The following PDE3A variants were observed in gnomAD, a reference collection of about 807,000 sequenced individuals.
PDE3A encodes the protein cGMP-inhibited 3',5'-cyclic phosphodiesterase 3A.
A neutral mutation model predicts 98.3 loss-of-function variants in PDE3A; 43 were observed. That is an observed-to-expected ratio of 0.44 (90% CI 0.34 to 0.56). PDE3A has a LOEUF of 0.56. Ranked by LOEUF, PDE3A falls within the 20% of genes least tolerant of loss-of-function variation. The pLI is 0.01. For synonymous variants in PDE3A, 663 were observed against 567.9 expected (o/e 1.17, Z -2.38); for missense variants, 1,427 against 1,440.7 (o/e 0.99, Z 0.15).
intron 1 of PDE3A, among the ~76,000 whole-genome samples, chr12:20,502,072 C>A (rs1241156093): frequency 6.6e-6 from 1 of 152,074 alleles, no homozygotes; most frequent in African/African-American, 2.4e-5. Flanking sequence ...AGATAATAAT[C>A]ACATATATTT....
chr12:20,618,369 A>C (rs1160853947), intron 4 of PDE3A, among the ~76,000 whole-genome samples: 1 of 152,062 alleles, frequency 6.6e-6, no homozygotes, highest in African/African-American at 2.4e-5. Context: ...ATTCCTTTCC[A>C]TATCTTTTCA....
At chr12:20,569,001 G>T (rs537138287) in intron 2 of PDE3A, among the ~76,000 whole-genome samples, 22 of 152,020 alleles carry the variant, frequency 1.4e-4, no homozygotes, top group African/African-American at 5.3e-4. Context: ...GAAAAAGCTG[G>T]CATATGGCCA....
intron 1 of PDE3A, among the ~76,000 whole-genome samples, chr12:20,488,142 G>T (rs1163483901): frequency 6.6e-6 from 1 of 151,846 alleles, no homozygotes; most frequent in African/African-American, 2.4e-5. Context: ...GGGGCAAGAG[G>T]GGCACTATAT....
intron 1 of PDE3A, among the ~76,000 whole-genome samples, chr12:20,427,694 C>T (rs997146115): frequency 1.3e-5 from 2 of 151,906 alleles, no homozygotes; most frequent in African/African-American, 4.8e-5. Context: ...ACATTTAATA[C>T]ATTAATACAT....
chr12:20,668,160 C>A (rs1272310208), intron 15 of PDE3A, among the ~76,000 whole-genome samples: 1 of 152,166 alleles, frequency 6.6e-6, no homozygotes, highest in African/African-American at 2.4e-5. Context: ...AAACGGCGCA[C>A]CATGAGATTA....
At chr12:20,569,068 A>C (rs1942730613) in intron 2 of PDE3A, among the ~76,000 whole-genome samples, 1 of 152,138 alleles carries the variant, frequency 6.6e-6, no homozygotes, top group South Asian at 2.1e-4. Context: ...GAGTGTTGTC[A>C]TAAGCATGCC....
At chr12:20,672,232 T>C (rs1359866996) in intron 15 of PDE3A, among the ~76,000 whole-genome samples, 50 of 148,316 alleles carry the variant, frequency 3.4e-4, no homozygotes, top group African/African-American at 1.2e-3. Context: ...TCCATGCTCA[T>C]GGGTAGGAAG....
At chr12:20,483,321 G>T (rs1031028368) in intron 1 of PDE3A, among the ~76,000 whole-genome samples, 1 of 152,060 alleles carries the variant, frequency 6.6e-6, no homozygotes, top group African/African-American at 2.4e-5. Context: ...CCCCGGAGGC[G>T]GAGGTTGCAG....
intron 1 of PDE3A, among the ~76,000 whole-genome samples, chr12:20,448,124 C>G (rs538006744): frequency 7.2e-5 from 11 of 152,262 alleles, no homozygotes; most frequent in Non-Finnish European, 1.6e-4. Context: ...TATATTAAAA[C>G]TCCATTAGTA....
intron 7 of PDE3A, among the ~76,000 whole-genome samples, chr12:20,634,699 A>G (rs1267397523): frequency 1.3e-5 from 2 of 152,218 alleles, no homozygotes; most frequent in Non-Finnish European, 2.9e-5. Flanking sequence ...CATGCGGATT[A>G]CAGATTATAA....
intron 1 of PDE3A, among the ~76,000 whole-genome samples, chr12:20,457,475 A>G (rs1205218184): frequency 2.0e-5 from 3 of 151,908 alleles, no homozygotes; most frequent in Non-Finnish European, 2.9e-5. Context: ...ATATTTGCAT[A>G]TATGCACAAC....
At chr12:20,487,145 A>G (rs551351790) in intron 1 of PDE3A, among the ~76,000 whole-genome samples, 25 of 51,094 alleles carry the variant, frequency 4.9e-4, no homozygotes, top group African/African-American at 9.8e-4. Flanking sequence ...ATTAAATTTG[A>G]CTGGCGTAGT....
intron 1 of PDE3A, among the ~76,000 whole-genome samples, chr12:20,549,639 AC>A (rs928717762): frequency 1.3e-4 from 20 of 152,042 alleles, no homozygotes; most frequent in African/African-American, 4.8e-4. Flanking sequence ...GATTTCTGTA[AC>A]ATTTTTTATT....
intron 1 of PDE3A, among the ~76,000 whole-genome samples, chr12:20,424,911 A>G (rs1944579163): frequency 6.6e-6 from 1 of 152,236 alleles, no homozygotes; most frequent in South Asian, 2.1e-4. Flanking sequence ...GCACAGCACA[A>G]CAAACTCACT....
chr12:20,643,115 G>A (rs545489351), intron 10 of PDE3A, among the ~76,000 whole-genome samples: 12 of 152,202 alleles, frequency 7.9e-5, no homozygotes, highest in African/African-American at 2.2e-4. Flanking sequence ...ATGCATGTGC[G>A]TCTATATGTT....
At position 20,570,407 on chromosome 12, in the gene PDE3A, C is replaced by CAAAAAAAAAAAAAAAAA. The variant is rs61242685; in HGVS notation, c.1011+13712_1011+13728dup. Among the ~76,000 whole-genome samples the CAAAAAAAAAAAAAAAAA allele has an allele frequency of 2.3e-4, 10 of 43,356 alleles. 2 individuals are homozygous for CAAAAAAAAAAAAAAAAA. Among genetic ancestry groups the CAAAAAAAAAAAAAAAAA allele is most frequent in the African/African-American group, 1.2e-3 (10 of 8,538 alleles). The allele number at this position is 43,356 out of a possible 152,430, so 28.4% of individuals were successfully genotyped here. ...TGGGCAACAGAATGCGACGCTGTCT[C>CAAAAAAAAAAAAAAAAA]AAAAAAAAAAAAAAAAAAAAAAAAA... On this transcript the variant is annotated intron_variant, in intron 2 of 15. Transcript: ENST00000359062.
At chr12:20,660,559 G>A (rs1343960018) in intron 15 of PDE3A, among the ~76,000 whole-genome samples, 1 of 152,162 alleles carries the variant, frequency 6.6e-6, no homozygotes, top group African/African-American at 2.4e-5. Context: ...ATGTGTTGTG[G>A]AGGGACCCGG....
intron 1 of PDE3A, among the ~76,000 whole-genome samples, chr12:20,398,880 A>C (rs1034758524): frequency 5.3e-5 from 8 of 152,160 alleles, no homozygotes; most frequent in African/African-American, 1.7e-4. Context: ...CATTAAGTAC[A>C]TTTACATTGT....
At position 20,369,358 on chromosome 12, in the gene PDE3A, C is replaced by A. The variant is rs752706938; in HGVS notation, c.74C>A (p.Ala25Glu). 190 of 1,548,606 alleles carry A rather than the reference C, an allele frequency of 1.2e-4. No individual in the cohort carries two copies. Among genetic ancestry groups the A allele is most frequent in the Non-Finnish European group, 1.5e-4 (174 of 1,146,586 alleles). Residue 25 changes from alanine to glutamate, a missense_variant, in exon 1 of 16, where the codon GCG becomes GAG. Transcript: ENST00000359062. ...VHSGVSQAPT[A>E]GRDCHHRADP... ...AGTGGGGTGAGTCAAGCCCCCACGG[C>A]GGGCCGGGACTGCCACCATCGTGCG...
Sources: gnomAD v4.1 joint callset for allele counts (sites outside exome capture counted in the v4.1 genomes callset) on GRCh38, gnomAD v4.1.1 for gene constraint, MANE v1.5 for transcripts, NCBI Gene and HGNC (gene_info 2026-07-23, HGNC 2026-07-21) for gene names.